Variants in RBFOX1 observed in about 807,000 individuals in gnomAD.
RBFOX1 encodes the protein RNA binding protein fox-1 homolog 1.
Under a neutral mutation model 57.7 loss-of-function variants are expected in RBFOX1, and 8 were observed. That is an observed-to-expected ratio of 0.14 (90% CI 0.08 to 0.25). The LOEUF (loss-of-function observed/expected upper bound fraction) is 0.25. Ranked by LOEUF, RBFOX1 falls within the 10% of genes least tolerant of loss-of-function variation. RBFOX1 has a pLI of 1.00. For synonymous variants in RBFOX1, 326 were observed against 222.4 expected (o/e 1.47, Z -4.15); for missense variants, 611 against 548.5 (o/e 1.11, Z -1.14).
At chr16:7,161,850 G>A (rs560907836) in intron 4 of RBFOX1, among the ~76,000 whole-genome samples, 22 of 152,220 alleles carry the variant, frequency 1.4e-4, no homozygotes, top group East Asian at 7.7e-4. Flanking sequence ...GACAGAACAC[G>A]TTCAATTGAT....
chr16:5,757,617 A>G (rs1396828979), intron 3 of RBFOX1, among the ~76,000 whole-genome samples: 4 of 152,166 alleles, frequency 2.6e-5, no homozygotes, highest in African/African-American at 9.7e-5. Flanking sequence ...CAGAGAGACC[A>G]GGAAATGTGG....
At position 6,752,832 on chromosome 16, in the gene RBFOX1, G is replaced by C. The variant is rs180917227; in HGVS notation, c.-16+98182G>C. Reference sequence around the variant, plus strand: ...TCCTACTCCTATTTTTTTTTTTTTAGCAGGGTTCTGTGTTCTCTGTCAGCC... The same window carrying C: ...TCCTACTCCTATTTTTTTTTTTTTACCAGGGTTCTGTGTTCTCTGTCAGCC... On this transcript the variant is annotated intron_variant, in intron 3 of 15. Coordinates refer to ENST00000550418, the MANE Select transcript of RBFOX1 (RefSeq NM_018723.4). 4.7e-3 allele frequency among the ~76,000 whole-genome samples: 664 copies of C among 141,926 alleles called. 4 individuals carry two copies. The highest frequency in any genetic ancestry group is 0.017 in the African/African-American group (637 of 38,346). 93.1% of individuals were successfully genotyped at this position (141,926 alleles called of 152,430 possible).
intron 11 of RBFOX1, among the ~76,000 whole-genome samples, chr16:7,635,851 C>T (rs1294820874): frequency 1.3e-5 from 2 of 152,036 alleles, no homozygotes; most frequent in Admixed American, 1.3e-4. Context: ...TGCTCTGTCA[C>T]CCAGGCTGCA....
chr16:5,886,421 A>G (rs1300220488), intron 4 of RBFOX1, among the ~76,000 whole-genome samples: 5 of 152,246 alleles, frequency 3.3e-5, no homozygotes, highest in South Asian at 2.1e-4. Flanking sequence ...TTCTGTAGAA[A>G]TAGACAGAAA....
intron 2 of RBFOX1, among the ~76,000 whole-genome samples, chr16:6,584,862 C>G (rs1436854934): frequency 6.6e-6 from 1 of 152,096 alleles, no homozygotes; most frequent in Non-Finnish European, 1.5e-5. Flanking sequence ...GCTATTGTTT[C>G]AACAAAAAAT....
intron 1 of RBFOX1, among the ~76,000 whole-genome samples, chr16:6,111,472 A>G (rs566944239): frequency 6.6e-6 from 1 of 152,350 alleles, no homozygotes; most frequent in Non-Finnish European, 1.5e-5. Context: ...AAAGTTTGTC[A>G]TTCTACTTCC....
At chr16:7,574,478 C>G (rs749475703) in intron 5 of RBFOX1, among the ~76,000 whole-genome samples, 17 of 152,176 alleles carry the variant, frequency 1.1e-4, no homozygotes, top group Non-Finnish European at 2.4e-4. Flanking sequence ...GCCAACAGTA[C>G]AGCCTTCAGT....
chr16:5,413,867 G>T (rs1296572180), intron 1 of RBFOX1, among the ~76,000 whole-genome samples: 1 of 152,142 alleles, frequency 6.6e-6, no homozygotes, highest in Non-Finnish European at 1.5e-5. Context: ...CAAACACAAG[G>T]TGAGTGTTGA....
intron 3 of RBFOX1, among the ~76,000 whole-genome samples, chr16:6,861,186 G>C (rs2058925907): frequency 6.6e-6 from 1 of 152,182 alleles, no homozygotes; most frequent in Non-Finnish European, 1.5e-5. Context: ...AGAAAAAAGA[G>C]TGCATCTGAA....
At chr16:5,527,160 G>C (rs2076936) in intron 2 of RBFOX1, among the ~76,000 whole-genome samples, 62,093 of 152,050 alleles carry the variant, frequency 0.41, 14,174 homozygotes, top group East Asian at 0.96. Context: ...GAGGCTTGGC[G>C]AGATTGAGTG....
intron 5 of RBFOX1, among the ~76,000 whole-genome samples, chr16:7,530,719 T>C (rs1484995741): frequency 1.3e-5 from 2 of 152,234 alleles, no homozygotes; most frequent in East Asian, 3.9e-4. Flanking sequence ...ATTATAGCAT[T>C]TGATGTAGAG....
intron 1 of RBFOX1, among the ~76,000 whole-genome samples, chr16:6,132,072 A>T (rs957474908): frequency 6.6e-6 from 1 of 152,186 alleles, no homozygotes; most frequent in African/African-American, 2.4e-5. Context: ...AACACGCTTT[A>T]GTTCACAAAG....
intron 4 of RBFOX1, among the ~76,000 whole-genome samples, chr16:5,881,372 A>T (rs1210316810): frequency 1.3e-5 from 2 of 152,142 alleles, no homozygotes; most frequent in Non-Finnish European, 2.9e-5. Context: ...CCAATACAGC[A>T]CATGTGGCAT....
intron 1 of RBFOX1, among the ~76,000 whole-genome samples, chr16:5,281,263 A>G (rs988019067): frequency 6.6e-6 from 1 of 152,118 alleles, no homozygotes; most frequent in Non-Finnish European, 1.5e-5. Context: ...ATTGATTTCA[A>G]GTTTTATTCC....
Position 6,938,634 on chromosome 16 carries a change from A to G in RBFOX1, c.-15-113423A>G, listed in dbSNP as rs1465487760. Reference sequence around the variant, plus strand: ...TTAGTTGGACTGTTTATAGGAGGACAATCTAGGTTAAAGGGCAGAAAATTG... The same window carrying G: ...TTAGTTGGACTGTTTATAGGAGGACGATCTAGGTTAAAGGGCAGAAAATTG... On this transcript the variant is annotated intron_variant, in intron 3 of 15. Transcript: ENST00000550418. 6.6e-5 allele frequency among the ~76,000 whole-genome samples: 10 copies of G among 152,244 alleles called. No individual in the cohort carries two copies. The East Asian group carries it at 1.7e-3, about 26-fold the overall frequency.
intron 1 of RBFOX1, among the ~76,000 whole-genome samples, chr16:6,265,099 C>G (rs189757731): frequency 1.3e-5 from 2 of 152,236 alleles, no homozygotes; most frequent in East Asian, 1.9e-4. Flanking sequence ...AGCCATTCAA[C>G]AACCATAACG....
intron 1 of RBFOX1, among the ~76,000 whole-genome samples, chr16:5,260,320 AG>A (rs1404149593): frequency 6.6e-6 from 1 of 152,226 alleles, no homozygotes; most frequent in Non-Finnish European, 1.5e-5. Context: ...CACGACCCCA[AG>A]AAATAAACCT....
chr16:6,790,380 T>C (rs1284719822), intron 3 of RBFOX1, among the ~76,000 whole-genome samples: 2 of 151,978 alleles, frequency 1.3e-5, no homozygotes, highest in Non-Finnish European at 2.9e-5. Flanking sequence ...AGATGGGGTT[T>C]CACCATGTTT....
intron 3 of RBFOX1, among the ~76,000 whole-genome samples, chr16:6,891,599 T>C (rs978772859): frequency 6.6e-6 from 1 of 152,234 alleles, no homozygotes; most frequent in Non-Finnish European, 1.5e-5. Flanking sequence ...CTCAGCACCA[T>C]TGTTCCAAAT....
Sources: gnomAD v4.1 joint callset for allele counts (sites outside exome capture counted in the v4.1 genomes callset) on GRCh38, gnomAD v4.1.1 for gene constraint, MANE v1.5 for transcripts, NCBI Gene and HGNC (gene_info 2026-07-23, HGNC 2026-07-21) for gene names.